ZNF573: variants seen among roughly 807,000 people sequenced by gnomAD.
The protein encoded by ZNF573 is zinc finger protein 573.
ZNF573 carries 41 observed loss-of-function variants against 57.4 expected under a neutral mutation model. The ratio of observed to expected loss-of-function variants is 0.71; its 90% CI spans 0.56 to 0.93. The LOEUF is 0.93. Among genes scored for constraint, ZNF573 ranks in the 40% least tolerant of loss-of-function variants. The probability of loss-of-function intolerance (pLI) is 0.00; values close to 1 mark genes in which losing one functional copy is unlikely to be tolerated. For missense variants in ZNF573, 730 were observed against 794.8 expected (o/e 0.92, Z 0.98); for synonymous variants, 249 against 261.0 (o/e 0.95, Z 0.44).
At chr19:37,752,163 CTT>C (rs957561113) in intron 4 of ZNF573, among the ~76,000 whole-genome samples, 3 of 152,020 alleles carry the variant, frequency 2.0e-5, no homozygotes, top group African/African-American at 4.8e-5. Flanking sequence ...AAAGGAGTCT[CTT>C]TAGCAATAGT....
intron 4 of ZNF573, among the ~76,000 whole-genome samples, chr19:37,756,097 T>C (rs905459349): frequency 5.3e-5 from 8 of 152,220 alleles, no homozygotes; most frequent in Middle Eastern, 3.2e-3. Flanking sequence ...GAAAAGGCTG[T>C]TGGCTCCTAT....
intron 4 of ZNF573, among the ~76,000 whole-genome samples, chr19:37,756,399 C>T (rs2045488322): frequency 6.6e-6 from 1 of 152,136 alleles, no homozygotes; most frequent in African/African-American, 2.4e-5. Flanking sequence ...GATTAAAGCA[C>T]AGAACTCCTC....
chr19:37,777,450 G>C (rs1254737845), intron 1 of ZNF573, among the ~76,000 whole-genome samples: 1 of 152,108 alleles, frequency 6.6e-6, no homozygotes, highest in Non-Finnish European at 1.5e-5. Context: ...ATACACTATG[G>C]AATACTACTC....
At chr19:37,747,840 C>T (rs929849629) in intron 4 of ZNF573, among the ~76,000 whole-genome samples, 2 of 152,130 alleles carry the variant, frequency 1.3e-5, no homozygotes, top group Admixed American at 1.3e-4. Flanking sequence ...GCGCCTGACA[C>T]CATGCCCGGC....
rs2145289802 is a variant in ZNF573 at position 37,749,091 on chromosome 19, CT to C, written c.296-8898del. ...CATTACTATTATAATAATATTGTGACTTTGAAGGAGAATGTCTTTATTCTTA... is the reference window on the plus strand; with the variant it reads ...CATTACTATTATAATAATATTGTGACTTGAAGGAGAATGTCTTTATTCTTA... On this transcript the variant is annotated intron_variant, in intron 4 of 4. Coordinates refer to ENST00000536220, the MANE Select transcript of ZNF573 (RefSeq NM_001172690.2). Among the ~76,000 whole-genome samples the C allele has an allele frequency of 2.0e-5, 3 of 151,802 alleles. No homozygotes were observed. In the South Asian group the frequency reaches 6.2e-4, roughly 31 times the overall value.
intron 4 of ZNF573, among the ~76,000 whole-genome samples, chr19:37,759,390 T>C (rs1337906867): frequency 2.0e-5 from 3 of 152,124 alleles, no homozygotes; most frequent in Non-Finnish European, 4.4e-5. Flanking sequence ...AGATTTAGTT[T>C]TAAGGGTTTT....
At chr19:37,748,758 C>T (rs903953093) in intron 4 of ZNF573, among the ~76,000 whole-genome samples, 2 of 152,056 alleles carry the variant, frequency 1.3e-5, no homozygotes, top group Non-Finnish European at 2.9e-5. Flanking sequence ...GAAACCCCAT[C>T]TCTACTAAAA....
intron 4 of ZNF573, among the ~76,000 whole-genome samples, chr19:37,760,724 A>AGGCAGAAGAATCACTTGAACC: frequency 6.6e-6 from 1 of 152,040 alleles, no homozygotes; most frequent in Non-Finnish European, 1.5e-5. Context: ...CAGGAGGCTG[A>AGGCAGAAGAATCACTTGAACC]GGCAGAAGAA....
At chr19:37,742,064 T>C (rs891616858) in intron 4 of ZNF573, among the ~76,000 whole-genome samples, 4 of 151,956 alleles carry the variant, frequency 2.6e-5, no homozygotes, top group African/African-American at 9.7e-5. Flanking sequence ...ATGAATGAAC[T>C]CCCATTCATA....
intron 3 of ZNF573, among the ~76,000 whole-genome samples, chr19:37,770,835 TATATATATATATA>T (rs2045650922): frequency 2.9e-4 from 6 of 20,912 alleles, no homozygotes; most frequent in African/African-American, 5.7e-4. Flanking sequence ...AGTTATTTTA[TATATATATATATA>T]TATATATATA....
chr19:37,762,775 T>TTA (rs1224190844), intron 4 of ZNF573, among the ~76,000 whole-genome samples: 2 of 138,466 alleles, frequency 1.4e-5, no homozygotes, highest in Admixed American at 1.4e-4. Flanking sequence ...GGAGCCAGTC[T>TTA]TTTTTTTTTT....
intron 4 of ZNF573, among the ~76,000 whole-genome samples, chr19:37,761,963 C>G (rs1306832902): frequency 3.3e-5 from 5 of 152,112 alleles, no homozygotes; most frequent in African/African-American, 4.8e-5. Flanking sequence ...CGGACAGATA[C>G]AATTATGAAA....
intron 4 of ZNF573, chr19:37,740,558 G>A: frequency 2.2e-6 from 1 of 461,626 alleles, no homozygotes; most frequent in Non-Finnish European, 4.3e-6. Flanking sequence ...CAGTGTTTAA[G>A]AATACATCCT....
intron 1 of ZNF573, among the ~76,000 whole-genome samples, chr19:37,776,989 G>T (rs1252847367): frequency 6.6e-6 from 1 of 152,096 alleles, no homozygotes; most frequent in Non-Finnish European, 1.5e-5. Flanking sequence ...AAAGATAATA[G>T]ATGTTGCCAT....
rs868482869 is a variant in ZNF573 at position 37,739,856 on chromosome 19, G to A, written c.634C>T (p.His212Tyr). The change falls in exon 5 of 5, where the codon CAT becomes TAT. Residue 212 changes from histidine (H) to tyrosine (Y), a missense_variant. Transcript: ENST00000536220. ...GYQLTVHQRFHTGEKTYECRQ... is the reference protein window; with the variant it reads ...GYQLTVHQRFYTGEKTYECRQ... ...CATTCATAGGTTTTCTCACCAGTAT[G>A]AAATCTCTGATGCACAGTCAGCTGA... is the stretch of plus-strand genomic sequence containing the variant. 6.2e-7 allele frequency: 1 copy of A among 1,613,930 alleles called. No individual in the cohort carries two copies. Among genetic ancestry groups the A allele is most frequent in the East Asian group, 2.2e-5 (1 of 44,878 alleles).
In ZNF573 at chr19:37,750,231, C is replaced by T. The variant is rs1056077947; in HGVS notation, c.296-10037G>A. ...CTGAGTAGCTGAGGCTACAGGCCTG[C>T]GCCACCATGCCTCACTAATTTTTCT... On this transcript the variant is annotated intron_variant, in intron 4 of 4. Coordinates refer to ENST00000536220, the MANE Select transcript of ZNF573 (RefSeq NM_001172690.2). 3.3e-5 allele frequency among the ~76,000 whole-genome samples: 5 copies of T among 151,904 alleles called. No homozygotes were observed. In the East Asian group the frequency reaches 5.8e-4, roughly 18 times the overall value.
intron 4 of ZNF573, among the ~76,000 whole-genome samples, chr19:37,746,942 G>C (rs994188125): frequency 1.3e-5 from 2 of 152,192 alleles, no homozygotes; most frequent in Non-Finnish European, 1.5e-5. Context: ...GGGAGAAACA[G>C]CTGATTCCAG....
chr19:37,775,979 C>T (rs756972290), intron 1 of ZNF573, among the ~76,000 whole-genome samples: 1 of 151,958 alleles, frequency 6.6e-6, no homozygotes, highest in African/African-American at 2.4e-5. Context: ...TGAAGGAAAT[C>T]ATAGATGACA....
chr19:37,769,349 C>G (rs2045632164), intron 4 of ZNF573, among the ~76,000 whole-genome samples: 1 of 152,088 alleles, frequency 6.6e-6, no homozygotes, highest in East Asian at 1.9e-4. Context: ...CTCATGATCA[C>G]TACATTGATA....
Sources: gnomAD v4.1 joint callset for allele counts (sites outside exome capture counted in the v4.1 genomes callset) on GRCh38, gnomAD v4.1.1 for gene constraint, MANE v1.5 for transcripts, NCBI Gene and HGNC (gene_info 2026-07-23, HGNC 2026-07-21) for gene names.